The following ELMO1 variants were observed in gnomAD, a reference collection of about 807,000 sequenced individuals.
ELMO1 encodes engulfment and cell motility protein 1.
A neutral mutation model predicts 98.9 loss-of-function variants in ELMO1; 26 were observed. That is an observed-to-expected ratio of 0.26 (90% CI 0.19 to 0.36). ELMO1 has a LOEUF of 0.36. Ranked by LOEUF, ELMO1 falls within the 10% of genes least tolerant of loss-of-function variation. The pLI is 1.00. For synonymous variants in ELMO1, 346 were observed against 346.0 expected, an observed-to-expected ratio of 1.00 and a Z score of 0.00; for missense variants, 627 against 935.2, an observed-to-expected ratio of 0.67 and a Z score of 4.30.
intron 1 of ELMO1, among the ~76,000 whole-genome samples, chr7:37,430,105 T>A (rs1335636593): frequency 1.3e-5 from 2 of 152,210 alleles, no homozygotes; most frequent in African/African-American, 4.8e-5. Context: ...AGACAACAGT[T>A]AGGTTCAGCC....
At chr7:37,341,289 T>C (rs889365995) in intron 2 of ELMO1, among the ~76,000 whole-genome samples, 1 of 152,228 alleles carries the variant, frequency 6.6e-6, no homozygotes, top group African/African-American at 2.4e-5. Flanking sequence ...ACTGGTCTCT[T>C]AGGCTGTGGC....
intron 8 of ELMO1, among the ~76,000 whole-genome samples, chr7:37,232,161 A>AT: frequency 6.6e-6 from 1 of 152,350 alleles, no homozygotes; most frequent in African/African-American, 2.4e-5. Context: ...TTAGTTTAAA[A>AT]TAAAAGGCTT....
intron 1 of ELMO1, among the ~76,000 whole-genome samples, chr7:37,447,183 C>T (rs1258307848): frequency 6.6e-6 from 1 of 152,152 alleles, no homozygotes; most frequent in African/African-American, 2.4e-5. Context: ...CAAAGTTGCT[C>T]GCAGGGTTTT....
chr7:37,018,959 C>T (rs948551037), intron 15 of ELMO1, among the ~76,000 whole-genome samples: 4 of 151,844 alleles, frequency 2.6e-5, no homozygotes, highest in Non-Finnish European at 4.4e-5. Context: ...AAGCGGGGGG[C>T]GGGGGTGCTT....
intron 13 of ELMO1, among the ~76,000 whole-genome samples, chr7:37,147,181 A>C (rs1383512630): frequency 6.6e-6 from 1 of 152,210 alleles, no homozygotes; most frequent in East Asian, 1.9e-4. Context: ...CCAGCTCCTC[A>C]TCATTAAAAT....
intron 1 of ELMO1, among the ~76,000 whole-genome samples, chr7:37,443,830 A>T (rs1186451486): frequency 1.3e-5 from 2 of 152,232 alleles, no homozygotes; most frequent in Non-Finnish European, 2.9e-5. Context: ...ATGGCCACAC[A>T]CATGGTCCTG....
At chr7:37,305,881 C>T (rs1002844468) in intron 4 of ELMO1, among the ~76,000 whole-genome samples, 4 of 152,200 alleles carry the variant, frequency 2.6e-5, no homozygotes, top group Middle Eastern at 3.4e-3. Flanking sequence ...AACGATAAAG[C>T]GATGTAGGTC....
chr7:37,132,131 G>A (rs891541935), intron 14 of ELMO1, among the ~76,000 whole-genome samples: 2 of 152,242 alleles, frequency 1.3e-5, no homozygotes, highest in Non-Finnish European at 1.5e-5. Context: ...CATGAGGCCA[G>A]ACCAAAGGAA....
chr7:36,934,918 A>G (rs745899991), intron 16 of ELMO1, among the ~76,000 whole-genome samples: 8 of 152,200 alleles, frequency 5.3e-5, no homozygotes, highest in Non-Finnish European at 7.3e-5. Flanking sequence ...TGCCAGGGAC[A>G]CAGGAAAATT....
chr7:37,306,062 A>G (rs1197844777), intron 4 of ELMO1, among the ~76,000 whole-genome samples: 1 of 152,188 alleles, frequency 6.6e-6, no homozygotes. Flanking sequence ...AGCTCAAACA[A>G]TTTAGGATTG....
intron 15 of ELMO1, among the ~76,000 whole-genome samples, chr7:37,045,582 C>A (rs1795751427): frequency 6.6e-6 from 1 of 152,038 alleles, no homozygotes; most frequent in Non-Finnish European, 1.5e-5. Context: ...CTTTTCTCTA[C>A]TAAATTTTAG....
At chr7:37,387,854 C>T (rs1802875480) in intron 1 of ELMO1, among the ~76,000 whole-genome samples, 1 of 152,160 alleles carries the variant, frequency 6.6e-6, no homozygotes, top group Non-Finnish European at 1.5e-5. Flanking sequence ...TACTTTGAGA[C>T]AGGCCCTTAC....
chr7:37,156,834 T>C (rs1788803092), intron 13 of ELMO1, among the ~76,000 whole-genome samples: 1 of 152,210 alleles, frequency 6.6e-6, no homozygotes, highest in South Asian at 2.1e-4. Context: ...AGCATCATCC[T>C]GACACCAAAG....
chr7:37,022,808 GC>G (rs1332333687), intron 15 of ELMO1, among the ~76,000 whole-genome samples: 8 of 152,200 alleles, frequency 5.3e-5, no homozygotes, highest in Non-Finnish European at 1.2e-4. Context: ...ATTTGTTACA[GC>G]CAAAAACTTG....
At chr7:37,040,944 G>C (rs1795472168) in intron 15 of ELMO1, among the ~76,000 whole-genome samples, 1 of 152,176 alleles carries the variant, frequency 6.6e-6, no homozygotes, top group Non-Finnish European at 1.5e-5. Flanking sequence ...GCTGGGCGTG[G>C]TGGCACATGC....
chr7:37,283,142 C>T (rs1231831180), intron 4 of ELMO1, among the ~76,000 whole-genome samples: 1 of 152,098 alleles, frequency 6.6e-6, no homozygotes, highest in East Asian at 1.9e-4. Flanking sequence ...TCTGCCAGGA[C>T]ATGGCAAGCC....
At chr7:37,068,091 C>T (rs531403109) in intron 15 of ELMO1, among the ~76,000 whole-genome samples, 29 of 152,176 alleles carry the variant, frequency 1.9e-4, no homozygotes, top group Non-Finnish European at 2.8e-4. Flanking sequence ...GTCTACTGCT[C>T]TCAAGTGGAA....
At chr7:37,259,669 G>A (rs539932767) in intron 5 of ELMO1, among the ~76,000 whole-genome samples, 1 of 152,318 alleles carries the variant, frequency 6.6e-6, no homozygotes, top group African/African-American at 2.4e-5. Flanking sequence ...GCAGAAAGGA[G>A]GGAGGAAAGG....
chr7:37,280,304 T>C (rs1330480726), intron 4 of ELMO1, among the ~76,000 whole-genome samples: 1 of 152,218 alleles, frequency 6.6e-6, no homozygotes, highest in Non-Finnish European at 1.5e-5. Flanking sequence ...AAGGATTTCA[T>C]GACCAAGAAG....
Sources: allele counts gnomAD v4.1 joint callset (sites outside exome capture counted in the v4.1 genomes callset), GRCh38; gene constraint gnomAD v4.1.1; transcripts MANE v1.5; gene names NCBI Gene and HGNC (gene_info 2026-07-23, HGNC 2026-07-21).